Variants in GSE1 observed in about 807,000 individuals in gnomAD.
GSE1 encodes the protein genetic suppressor element 1.
In GSE1, 32 loss-of-function variants were observed where a neutral mutation model predicts 112.6. That is an observed-to-expected ratio of 0.28 (90% CI 0.21 to 0.38). The LOEUF is 0.38. Among genes scored for constraint, GSE1 ranks in the 10% least tolerant of loss-of-function variants. GSE1 has a pLI of 1.00. For synonymous variants in GSE1, 1,115 were observed against 735.6 expected (o/e 1.52, Z -8.35); for missense variants, 2,348 against 1,699.2 (o/e 1.38, Z -6.71).
intron 2 of GSE1, among the ~76,000 whole-genome samples, chr16:85,507,942 G>A (rs2051594760): frequency 6.6e-6 from 1 of 152,240 alleles, no homozygotes; most frequent in South Asian, 2.1e-4. Context: ...CCATGTAATG[G>A]GCCCCTGCAT....
At chr16:85,316,097 C>T (rs941511997) in intron 1 of GSE1, among the ~76,000 whole-genome samples, 1 of 152,202 alleles carries the variant, frequency 6.6e-6, no homozygotes, top group South Asian at 2.1e-4. Flanking sequence ...TTCCAAAGGG[C>T]GAAGTGAATT....
exon 1 of GSE1, chr16:85,556,080 C>A (rs1349214245): frequency 1.0e-6 from 1 of 984,572 alleles, no homozygotes; most frequent in East Asian, 1.1e-4. Context: ...TCTGCCAGGG[C>A]CAAGGTGGCC....
intron 2 of GSE1, among the ~76,000 whole-genome samples, chr16:85,415,491 G>T (rs1263758816): frequency 1.3e-5 from 2 of 152,216 alleles, no homozygotes; most frequent in African/African-American, 2.4e-5. Flanking sequence ...TGGCAAACCG[G>T]GTCCTCACCC....
intron 1 of GSE1, among the ~76,000 whole-genome samples, chr16:85,307,561 G>A (rs1185462161): frequency 1.3e-5 from 2 of 152,218 alleles, no homozygotes; most frequent in East Asian, 1.9e-4. Flanking sequence ...GTCCCTCTCC[G>A]TGGAGTCCTG....
intron 1 of GSE1, among the ~76,000 whole-genome samples, chr16:85,269,564 G>A (rs905134228): frequency 6.7e-6 from 1 of 149,240 alleles, no homozygotes; most frequent in African/African-American, 2.4e-5. Flanking sequence ...GTGGGGCTGG[G>A]GACCCAGGAC....
chr16:85,366,771 G>GA (rs1259468538), intron 2 of GSE1, among the ~76,000 whole-genome samples: 2 of 152,178 alleles, frequency 1.3e-5, no homozygotes, highest in Admixed American at 6.5e-5. Context: ...TTGGGCAATT[G>GA]AAAAAACAAT....
chr16:85,436,810 C>T (rs1421474489), intron 2 of GSE1, among the ~76,000 whole-genome samples: 3 of 152,336 alleles, frequency 2.0e-5, no homozygotes, highest in South Asian at 2.1e-4. Context: ...GCCAGGCTGC[C>T]GGGCTGGTGG....
chr16:85,207,597 C>A (rs2075142274), intron 1 of GSE1, among the ~76,000 whole-genome samples: 1 of 152,254 alleles, frequency 6.6e-6, no homozygotes, highest in Non-Finnish European at 1.5e-5. Context: ...GAATCCCCTG[C>A]AGGCGCTGGT....
chr16:85,228,335 C>A (rs1038442373), intron 1 of GSE1, among the ~76,000 whole-genome samples: 3 of 152,174 alleles, frequency 2.0e-5, no homozygotes, highest in Non-Finnish European at 4.4e-5. Flanking sequence ...AGGAGGTTGT[C>A]CACACTGCTT....
At chr16:85,539,565 C>G (rs1221527232) in intron 2 of GSE1, among the ~76,000 whole-genome samples, 1 of 152,132 alleles carries the variant, frequency 6.6e-6, no homozygotes, top group African/African-American at 2.4e-5. Flanking sequence ...TTGTTTTGGC[C>G]TAAAGGATTC....
intron 2 of GSE1, among the ~76,000 whole-genome samples, chr16:85,638,128 T>G (rs1336068469): frequency 6.6e-6 from 1 of 152,220 alleles, no homozygotes; most frequent in Non-Finnish European, 1.5e-5. Flanking sequence ...CTTCTGGAAG[T>G]GCCTCTCGGT....
chr16:85,498,557 G>A (rs55925653), intron 2 of GSE1, among the ~76,000 whole-genome samples: 21,131 of 39,326 alleles, frequency 0.54, 1,553 homozygotes, highest in South Asian at 0.56. Flanking sequence ...ATAGACTCAC[G>A]CATACACCCC....
At chr16:85,517,041 G>C (rs1208863318) in intron 2 of GSE1, among the ~76,000 whole-genome samples, 4 of 152,114 alleles carry the variant, frequency 2.6e-5, no homozygotes, top group Non-Finnish European at 5.9e-5. Context: ...TCATGATCCA[G>C]CCATCTCGGC....
chr16:85,306,989 C>T (rs939484198), intron 1 of GSE1, among the ~76,000 whole-genome samples: 1 of 152,250 alleles, frequency 6.6e-6, no homozygotes, highest in African/African-American at 2.4e-5. Flanking sequence ...GCACAAGCCA[C>T]CCAGGTGTGT....
intron 1 of GSE1, among the ~76,000 whole-genome samples, chr16:85,574,231 C>T (rs1401031536): frequency 6.6e-6 from 1 of 152,182 alleles, no homozygotes; most frequent in Non-Finnish European, 1.5e-5. Flanking sequence ...GATAAATGAC[C>T]CTCCATAGCA....
chr16:85,555,769 G>A (rs1315866852), upstream of GSE1: 3 of 978,294 alleles, frequency 3.1e-6, no homozygotes, highest in East Asian at 2.3e-4. Flanking sequence ...ATGGCTGAAT[G>A]GAGGAGAGAT....
At chr16:85,291,882 C>T (rs1376911492) in intron 1 of GSE1, among the ~76,000 whole-genome samples, 1 of 152,208 alleles carries the variant, frequency 6.6e-6, no homozygotes, top group Non-Finnish European at 1.5e-5. Context: ...TTATTTCCCT[C>T]CTGCTTTTAT....
At chr16:85,271,181 C>A (rs545189269) in intron 1 of GSE1, among the ~76,000 whole-genome samples, 1 of 152,136 alleles carries the variant, frequency 6.6e-6, no homozygotes, top group Admixed American at 6.5e-5. Flanking sequence ...CAGATCCCTC[C>A]TGTAGGTGGA....
intron 1 of GSE1, among the ~76,000 whole-genome samples, chr16:85,587,935 G>A (rs1014648567): frequency 8.5e-5 from 13 of 152,126 alleles, no homozygotes; most frequent in South Asian, 2.1e-4. Flanking sequence ...CTGCCTTGCC[G>A]GGCTGGTTGT....
Sources: allele counts gnomAD v4.1 joint callset (sites outside exome capture counted in the v4.1 genomes callset), GRCh38; gene constraint gnomAD v4.1.1; transcripts MANE v1.5; gene names NCBI Gene and HGNC (gene_info 2026-07-23, HGNC 2026-07-21).